The following KCNMA1 variants were observed in gnomAD, a reference collection of about 807,000 sequenced individuals.
KCNMA1 encodes the protein potassium calcium-activated channel subfamily M alpha 1.
KCNMA1 carries 29 observed loss-of-function variants against 140.0 expected under a neutral mutation model. The ratio of observed to expected loss-of-function variants is 0.21; its 90% CI spans 0.15 to 0.28. KCNMA1 has a LOEUF of 0.28. Ranked by LOEUF, KCNMA1 falls within the 10% of genes least tolerant of loss-of-function variation. The pLI is 1.00. For missense variants in KCNMA1, 880 were observed against 1,602.2 expected (o/e 0.55, Z 7.70); for synonymous variants, 612 against 611.9 (o/e 1.00, Z 0.00).
intron 1 of KCNMA1, among the ~76,000 whole-genome samples, chr10:77,600,573 A>G (rs1446405510): frequency 6.6e-6 from 1 of 152,160 alleles, no homozygotes; most frequent in Non-Finnish European, 1.5e-5. Flanking sequence ...ACATGGAGAA[A>G]CCCCATCTCT....
intron 15 of KCNMA1, among the ~76,000 whole-genome samples, chr10:77,034,909 G>A (rs544894888): frequency 7.9e-5 from 12 of 152,196 alleles, no homozygotes; most frequent in East Asian, 1.9e-4. Context: ...ATAGGTTCCC[G>A]GTGAGATTCA....
At chr10:77,475,127 C>A (rs67478307) in intron 1 of KCNMA1, among the ~76,000 whole-genome samples, 27,879 of 152,170 alleles carry the variant, frequency 0.18, 2,610 homozygotes, top group Middle Eastern at 0.24. Context: ...TTGTCCCCCT[C>A]CCGGGCATCT....
Position 76,948,966 on chromosome 10 carries a change from G to T in KCNMA1, c.2709+176C>A, listed in dbSNP as rs967188776. The T allele has an allele frequency of 5.9e-6, 4 of 682,818 alleles. No homozygotes were observed. The Admixed American group carries it at 6.6e-5, about 11-fold the overall frequency. The allele number at this position is 682,818 out of a possible 1,614,324, so 42.3% of individuals were successfully genotyped here. A position where few individuals can be genotyped will look rare whatever the true frequency, so the allele number is the denominator to read the frequency against. On this transcript the variant is annotated intron_variant, in intron 22 of 27. Transcript: ENST00000286628. The stretch of plus-strand genomic sequence containing the variant: ...TTGGCTGCAAATTCCTTTTAATAAG[G>T]TCTCCCAGGGTTTGGATTTTCCTTG...
intron 23 of KCNMA1, among the ~76,000 whole-genome samples, chr10:76,928,682 T>C (rs2058455633): frequency 1.3e-5 from 2 of 152,204 alleles, no homozygotes; most frequent in South Asian, 4.1e-4. Context: ...GGCCCTCTTA[T>C]TCCTACATAC....
chr10:77,143,420 A>G (rs2098224502), intron 5 of KCNMA1, among the ~76,000 whole-genome samples: 1 of 152,202 alleles, frequency 6.6e-6, no homozygotes, highest in African/African-American at 2.4e-5. Context: ...TTAATGAAAC[A>G]GAGTCCAGAA....
intron 2 of KCNMA1, among the ~76,000 whole-genome samples, chr10:77,273,194 TTCTC>T (rs1271127653): frequency 6.6e-6 from 1 of 152,202 alleles, no homozygotes; most frequent in Admixed American, 6.5e-5. Context: ...TTCATCTTTT[TTCTC>T]TCTCTCATTT....
chr10:77,222,295 G>T (rs2049951027), intron 3 of KCNMA1, among the ~76,000 whole-genome samples: 3 of 152,158 alleles, frequency 2.0e-5, no homozygotes, highest in Non-Finnish European at 4.4e-5. Context: ...CATCATATTA[G>T]ATTATAAACC....
chr10:77,464,974 C>T (rs2097957507), intron 1 of KCNMA1, among the ~76,000 whole-genome samples: 1 of 152,176 alleles, frequency 6.6e-6, no homozygotes, highest in South Asian at 2.1e-4. Context: ...AGGACGACGG[C>T]CGTGTATAAA....
chr10:77,123,708 G>A (rs140550856), intron 5 of KCNMA1, among the ~76,000 whole-genome samples: 1 of 152,128 alleles, frequency 6.6e-6, no homozygotes, highest in Non-Finnish European at 1.5e-5. Context: ...ACACACCTAC[G>A]GTAAAATTTA....
chr10:77,213,547 G>C (rs931309938), intron 3 of KCNMA1, among the ~76,000 whole-genome samples: 9 of 152,152 alleles, frequency 5.9e-5, no homozygotes, highest in Non-Finnish European at 1.3e-4. Flanking sequence ...GTTAGGGTTG[G>C]AGAATGTCTG....
chr10:77,444,345 T>C (rs1179373666), intron 1 of KCNMA1, among the ~76,000 whole-genome samples: 3 of 152,190 alleles, frequency 2.0e-5, no homozygotes, highest in Non-Finnish European at 2.9e-5. Context: ...TTTGCCATAG[T>C]AAATTCTCCA....
intron 2 of KCNMA1, among the ~76,000 whole-genome samples, chr10:77,282,120 T>G (rs1450024585): frequency 6.6e-6 from 1 of 152,190 alleles, no homozygotes; most frequent in African/African-American, 2.4e-5. Context: ...TAACTATCAC[T>G]TAGTCTTTCT....
At chr10:77,099,812 G>A (rs1279425284) in intron 9 of KCNMA1, among the ~76,000 whole-genome samples, 6 of 152,020 alleles carry the variant, frequency 3.9e-5, no homozygotes, top group Admixed American at 3.3e-4. Flanking sequence ...GAAAGGAGTG[G>A]ACCTCAGGAT....
intron 3 of KCNMA1, among the ~76,000 whole-genome samples, chr10:77,221,702 A>C (rs910092193): frequency 2.0e-5 from 3 of 152,150 alleles, no homozygotes; most frequent in Admixed American, 1.3e-4. Flanking sequence ...AAAACAAACA[A>C]AAAATTGTGA....
At chr10:76,974,335 T>A in intron 19 of KCNMA1, 1 of 517,784 alleles carries the variant, frequency 1.9e-6, no homozygotes. Flanking sequence ...CGGTTTTCCC[T>A]TTTGGTATTT....
chr10:77,265,622 T>C (rs1272520871), intron 2 of KCNMA1, among the ~76,000 whole-genome samples: 1 of 152,180 alleles, frequency 6.6e-6, no homozygotes, highest in Non-Finnish European at 1.5e-5. Context: ...CTTGAATTAT[T>C]GTTCAAAATC....
intron 14 of KCNMA1, 56 bp downstream of exon 14, chr10:77,073,041 A>C: frequency 8.4e-5 from 130 of 1,541,474 alleles, no homozygotes; most frequent in Non-Finnish European, 1.1e-4. Context: ...CTCTCTACTC[A>C]ACCCCACGAC....
At chr10:77,263,661 G>A (rs58681731) in intron 2 of KCNMA1, among the ~76,000 whole-genome samples, 4,168 of 152,248 alleles carry the variant, frequency 0.027, 193 homozygotes, top group African/African-American at 0.093. Context: ...ATCCCAGAAA[G>A]CAATGCCATC....
At chr10:77,391,612 T>TTTTGTTTGTTTGTTTG (rs139101372) in intron 2 of KCNMA1, among the ~76,000 whole-genome samples, 1 of 149,748 alleles carries the variant, frequency 6.7e-6, no homozygotes, top group Non-Finnish European at 1.5e-5. Flanking sequence ...GAAGTAGGTT[T>TTTTGTTTGTTTGTTTG]TTTGTTTGTT....
Sources: gnomAD v4.1 joint callset for allele counts (sites outside exome capture counted in the v4.1 genomes callset) on GRCh38, gnomAD v4.1.1 for gene constraint, MANE v1.5 for transcripts, NCBI Gene and HGNC (gene_info 2026-07-23, HGNC 2026-07-21) for gene names.